Variants in PREX2 observed in about 807,000 individuals in gnomAD.
PREX2 encodes the protein phosphatidylinositol 3,4,5-trisphosphate-dependent Rac exchanger 2 protein.
In PREX2, 107 loss-of-function variants were observed where a neutral mutation model predicts 203.2. The observed-to-expected ratio is 0.53, with a 90% CI of 0.45 to 0.62. The LOEUF is 0.62. Among genes scored for constraint, PREX2 ranks in the 20% least tolerant of loss-of-function variants. The pLI is 0.00. For missense variants in PREX2, 1,777 were observed against 1,955.9 expected (o/e 0.91, Z 1.72); for synonymous variants, 672 against 663.6 (o/e 1.01, Z -0.19).
At chr8:68,130,340 T>C (rs540369394) in intron 31 of PREX2, among the ~76,000 whole-genome samples, 1 of 151,778 alleles carries the variant, frequency 6.6e-6, no homozygotes, top group Non-Finnish European at 1.5e-5. Flanking sequence ...CAAAAATACC[T>C]TTGGTAAAGG....
intron 26 of PREX2, among the ~76,000 whole-genome samples, chr8:68,117,932 A>T (rs560127840): frequency 1.2e-4 from 19 of 152,338 alleles, no homozygotes; most frequent in African/African-American, 4.6e-4. Flanking sequence ...ACTGGCATGT[A>T]TCATGAAACA....
In PREX2 at chr8:68,236,459, A is replaced by G. The variant is rs984437816; in HGVS notation, c.*5081A>G. ...GTGGTGTCTCTGTGTGTTATTGATC[A>G]TCTGTGTCTTTTGCTTAAAATGGCA... is the stretch of plus-strand genomic sequence containing the variant. On this transcript the variant is annotated 3_prime_UTR_variant, in exon 40 of 40. Transcript: ENST00000288368. The G allele has an allele frequency of 5.3e-5, 8 of 152,300 alleles. No individual in the cohort carries two copies. The East Asian group carries it at 1.4e-3, about 26-fold the overall frequency. The allele number at this position is 152,300 out of a possible 1,614,324, so 9.4% of individuals were successfully genotyped here. A position where few individuals can be genotyped will look rare whatever the true frequency, so the allele number is the denominator to read the frequency against.
intron 22 of PREX2, among the ~76,000 whole-genome samples, chr8:68,098,938 G>GTGTGTATA (rs1352978343): frequency 5.5e-5 from 6 of 109,808 alleles, no homozygotes; most frequent in South Asian, 3.1e-4. Context: ...ATATATATGT[G>GTGTGTATA]TATATATATA....
intron 8 of PREX2, among the ~76,000 whole-genome samples, chr8:68,049,256 AAG>A (rs1256301192): frequency 1.3e-4 from 20 of 151,838 alleles, no homozygotes; most frequent in African/African-American, 4.1e-4. Context: ...AAGAAATTAT[AAG>A]TTTTAAAGTT....
chr8:68,194,858 G>T (rs953941132), intron 37 of PREX2, among the ~76,000 whole-genome samples: 1 of 151,608 alleles, frequency 6.6e-6, no homozygotes, highest in Non-Finnish European at 1.5e-5. Context: ...AAAGAGCTTT[G>T]AGACCATAGG....
intron 37 of PREX2, among the ~76,000 whole-genome samples, chr8:68,199,452 AC>A (rs1201921227): frequency 6.6e-6 from 1 of 152,222 alleles, no homozygotes; most frequent in African/African-American, 2.4e-5. Context: ...GGGTTGAATT[AC>A]CAAGGCTCTA....
chr8:68,100,915 G>T (rs1468100538), intron 23 of PREX2, among the ~76,000 whole-genome samples: 1 of 152,102 alleles, frequency 6.6e-6, no homozygotes, highest in East Asian at 1.9e-4. Context: ...GATGTTGATG[G>T]CTTGGACTAC....
rs1813197843 is a variant in PREX2 at position 68,233,048 on chromosome 8, T to C, written c.*1670T>C. On this transcript the variant is annotated 3_prime_UTR_variant, in exon 40 of 40. Coordinates refer to ENST00000288368, the MANE Select transcript of PREX2 (RefSeq NM_024870.4). ...TGTGTAGGCAATATGTGTATACTAC[T>C]AGGTAAGGTAATAATAATTGTTATT... The C allele has an allele frequency of 6.6e-6, 1 of 152,228 alleles. No individual in the cohort carries two copies. Among genetic ancestry groups the C allele is most frequent in the Non-Finnish European group, 1.5e-5 (1 of 68,038 alleles). 9.4% of individuals were successfully genotyped at this position (152,228 alleles called of 1,614,324 possible).
chr8:68,127,510 C>T, intron 31 of PREX2, 91 bp downstream of exon 31: 1 of 818,664 alleles, frequency 1.2e-6, no homozygotes, highest in East Asian at 2.5e-5. Context: ...ACGCCTTCAA[C>T]CATTTACAAA....
At chr8:68,140,584 T>C (rs1811208467) in intron 33 of PREX2, among the ~76,000 whole-genome samples, 1 of 152,198 alleles carries the variant, frequency 6.6e-6, no homozygotes, top group Non-Finnish European at 1.5e-5. Context: ...TGCATGCCTT[T>C]GAGGGAGGAC....
chr8:68,164,218 T>C (rs141447926), intron 35 of PREX2, among the ~76,000 whole-genome samples: 3 of 152,026 alleles, frequency 2.0e-5, no homozygotes, highest in East Asian at 1.9e-4. Context: ...AAGTAAACAA[T>C]AGAACAATTT....
chr8:68,223,352 GA>G (rs1207149771), intron 38 of PREX2: 1 of 152,116 alleles, frequency 6.6e-6, no homozygotes, highest in African/African-American at 2.4e-5. Flanking sequence ...GAAAAGTGGG[GA>G]AAGAGCAGAA....
intron 11 of PREX2, among the ~76,000 whole-genome samples, chr8:68,068,000 G>A (rs190919787): frequency 1.2e-3 from 184 of 152,090 alleles, no homozygotes; most frequent in African/African-American, 4.2e-3. Flanking sequence ...TTCTGTTAAT[G>A]TGATGCATCA....
In PREX2 at chr8:68,081,083, G is replaced by A. The variant is rs529912821; in HGVS notation, c.1878+245G>A. On this transcript the variant is annotated intron_variant, in intron 17 of 39. Transcript: ENST00000288368. ...AGGTGGTGGGTATTCTATAGCAGCCGTCCCCAACCTTCTTGGTACCAGGGA... is the reference window on the plus strand; with the variant it reads ...AGGTGGTGGGTATTCTATAGCAGCCATCCCCAACCTTCTTGGTACCAGGGA... 2.6e-4 allele frequency among the ~76,000 whole-genome samples: 39 copies of A among 152,188 alleles called. No homozygotes were observed. In the South Asian group the frequency reaches 6.6e-3, roughly 26 times the overall value.
intron 35 of PREX2, among the ~76,000 whole-genome samples, chr8:68,157,679 GAGA>G (rs1376756198): frequency 6.6e-6 from 1 of 152,018 alleles, no homozygotes; most frequent in Non-Finnish European, 1.5e-5. Flanking sequence ...AAGAGATAAA[GAGA>G]AGGGGTTAAA....
At chr8:68,059,435 G>A (rs941648736) in intron 10 of PREX2, among the ~76,000 whole-genome samples, 1 of 152,140 alleles carries the variant, frequency 6.6e-6, no homozygotes, top group Non-Finnish European at 1.5e-5. Flanking sequence ...CCACAGCAGT[G>A]TGTGGTAGAC....
chr8:68,117,798 C>A (rs1810687037), intron 26 of PREX2, among the ~76,000 whole-genome samples: 1 of 152,144 alleles, frequency 6.6e-6, no homozygotes, highest in Non-Finnish European at 1.5e-5. Context: ...GAGGTGGAGA[C>A]AGACAAGTTT....
intron 37 of PREX2, among the ~76,000 whole-genome samples, chr8:68,202,011 G>C (rs1300439789): frequency 6.7e-6 from 1 of 149,038 alleles, no homozygotes; most frequent in African/African-American, 2.5e-5. Context: ...GGTTCAAGCA[G>C]TTCTCTTCCT....
At position 67,960,515 on chromosome 8, in the gene PREX2, A is replaced by T. The variant is rs560567048; in HGVS notation, c.141+7980A>T. 7.8e-4 allele frequency among the ~76,000 whole-genome samples: 118 copies of T among 152,206 alleles called. No homozygotes were observed. In the Middle Eastern group the frequency reaches 0.01, roughly 13 times the overall value. ...GGAGGCATAAGGACAAGTTTAATAG[A>T]AGAAGGTTCTGAGAACTCCAGCGGG... On this transcript the variant is annotated intron_variant, in intron 1 of 39. Coordinates refer to ENST00000288368, the MANE Select transcript of PREX2 (RefSeq NM_024870.4).
Sources: gnomAD v4.1 joint callset for allele counts (sites outside exome capture counted in the v4.1 genomes callset) on GRCh38, gnomAD v4.1.1 for gene constraint, MANE v1.5 for transcripts, NCBI Gene and HGNC (gene_info 2026-07-23, HGNC 2026-07-21) for gene names.